SAP130: variants seen among roughly 807,000 people sequenced by gnomAD.
SAP130 encodes Sin3A associated protein 130.
Under a neutral mutation model 103.2 loss-of-function variants are expected in SAP130, and 16 were observed. The observed-to-expected ratio is 0.16, with a 90% CI of 0.10 to 0.24. The LOEUF is 0.24. SAP130 is among the 10% of genes least tolerant of loss of function. The pLI is 1.00. For synonymous variants in SAP130, 477 were observed against 497.0 expected (o/e 0.96, Z 0.53); for missense variants, 990 against 1,359.7 (o/e 0.73, Z 4.28).
intron 18 of SAP130, among the ~76,000 whole-genome samples, chr2:127,948,960 CCTACTTCCA>C (rs1219097421): frequency 6.6e-6 from 1 of 152,098 alleles, no homozygotes; most frequent in Non-Finnish European, 1.5e-5. Flanking sequence ...TGGTTCATAT[CCTACTTCCA>C]CTAAAAGGCA....
At chr2:128,001,713 G>A (rs569718753) in intron 7 of SAP130, among the ~76,000 whole-genome samples, 1 of 152,106 alleles carries the variant, frequency 6.6e-6, no homozygotes, top group Non-Finnish European at 1.5e-5. Flanking sequence ...GCCTCGGTGT[G>A]TAGTAGGTAA....
At chr2:128,020,317 C>G (rs1455606456) in intron 2 of SAP130, among the ~76,000 whole-genome samples, 1 of 152,200 alleles carries the variant, frequency 6.6e-6, no homozygotes, top group Non-Finnish European at 1.5e-5. Context: ...TGGCCCTATT[C>G]TAGCCACTAT....
intron 13 of SAP130, among the ~76,000 whole-genome samples, chr2:127,987,646 A>C (rs779118135): frequency 1.3e-5 from 2 of 152,156 alleles, no homozygotes; most frequent in Non-Finnish European, 2.9e-5. Flanking sequence ...TTTTAGAGAT[A>C]AGAAAACTGA....
intron 15 of SAP130, among the ~76,000 whole-genome samples, chr2:127,972,610 T>G (rs908071971): frequency 6.6e-6 from 1 of 152,016 alleles, no homozygotes; most frequent in African/African-American, 2.4e-5. Context: ...ACACAAAAAT[T>G]AGCCAGGTGT....
chr2:128,017,183 G>T (rs1213026594), intron 3 of SAP130, among the ~76,000 whole-genome samples: 2 of 152,094 alleles, frequency 1.3e-5, no homozygotes, highest in Non-Finnish European at 2.9e-5. Flanking sequence ...TTAGCCAGGC[G>T]TAGTGACGTG....
Position 127,962,427 on chromosome 2 carries a change from A to T in SAP130, c.2064-7083T>A, listed in dbSNP as rs368576276. Reference sequence around the variant, plus strand: ...CATGCTGCTATAAAGACACATGCACACGTATGTTTATAGCGGCACTATTCA... The same window carrying T: ...CATGCTGCTATAAAGACACATGCACTCGTATGTTTATAGCGGCACTATTCA... On this transcript the variant is annotated intron_variant, in intron 15 of 20. Transcript: ENST00000643581. Among the ~76,000 whole-genome samples, 51 of 152,332 alleles carry T rather than the reference A, an allele frequency of 3.3e-4. 1 individual carries two copies. The South Asian group carries it at 6.4e-3, about 19-fold the overall frequency.
intron 12 of SAP130, among the ~76,000 whole-genome samples, chr2:127,991,018 A>G (rs1411927765): frequency 6.6e-6 from 1 of 151,962 alleles, no homozygotes; most frequent in East Asian, 1.9e-4. Context: ...TGGGAGGCCG[A>G]GGCAGGCGAT....
At chr2:128,003,497 C>G (rs1258539620) in intron 7 of SAP130, among the ~76,000 whole-genome samples, 4 of 149,694 alleles carry the variant, frequency 2.7e-5, no homozygotes, top group African/African-American at 4.9e-5. Flanking sequence ...GGTTCAAGGT[C>G]TCCTCCCACC....
At chr2:127,949,459 G>A (rs2461464) in intron 18 of SAP130, among the ~76,000 whole-genome samples, 115,410 of 152,096 alleles carry the variant, frequency 0.76, 45,883 homozygotes, top group Non-Finnish European at 0.88. Flanking sequence ...TCTTTTGGCA[G>A]AAATGCTTAC....
At position 127,996,334 on chromosome 2, in the gene SAP130, A is replaced by C. The variant is rs1337667278; in HGVS notation, c.1355+16T>G. On this transcript the variant is annotated intron_variant, in intron 11 of 20. Coordinates refer to ENST00000643581, the MANE Select transcript of SAP130 (RefSeq NM_001330301.2). This position sits in a 1 kb window ranked among gnomAD's most constrained non-coding sequence, Gnocchi z 4.3. ...ATGACACAGTGAGGCAGAATAACTG[A>C]CACACAGCCTCCTACCTGTTGTCAC... The C allele has an allele frequency of 6.3e-7, 1 of 1,579,698 alleles. No individual in the cohort carries two copies. Among genetic ancestry groups the C allele is most frequent in the Non-Finnish European group, 8.6e-7 (1 of 1,162,760 alleles).
chr2:127,944,968 A>G (rs73955682), intron 19 of SAP130, among the ~76,000 whole-genome samples: 18 of 150,760 alleles, frequency 1.2e-4, no homozygotes, highest in African/African-American at 3.6e-4. Context: ...CTGAATGATG[A>G]TGTGTGTGAC....
chr2:128,015,940 CA>C lies in SAP130; in HGVS notation c.507+448del, dbSNP rs58340147. Among the ~76,000 whole-genome samples the C allele has an allele frequency of 3.8e-3, 368 of 97,470 alleles. 2 individuals carry two copies. Among genetic ancestry groups the C allele is most frequent in the East Asian group, 0.033 (107 of 3,220 alleles). 63.9% of individuals were successfully genotyped at this position (97,470 alleles called of 152,430 possible). A position where few individuals can be genotyped will look rare whatever the true frequency, so the allele number is the denominator to read the frequency against. ...TGGGTGACACCGTGAGATTCTGTCT[CA>C]AAAAAAAAAAAAAAAAAGTTTGGAA... On this transcript the variant is annotated intron_variant, in intron 4 of 20. Coordinates refer to ENST00000643581, the MANE Select transcript of SAP130 (RefSeq NM_001330301.2).
chr2:127,947,754 T>TTGTGTGTCTGTGTGTGTGAG (rs1553500345), intron 18 of SAP130, among the ~76,000 whole-genome samples: 19 of 28,674 alleles, frequency 6.6e-4, no homozygotes, highest in Admixed American at 2.5e-3. Context: ...TAATTTTGTA[T>TTGTGTGTCTGTGTGTGTGAG]TGTGTGTGTC....
At chr2:127,976,491 ATTTTTTTTTC>A (rs1363844161) in intron 15 of SAP130, among the ~76,000 whole-genome samples, 1 of 151,886 alleles carries the variant, frequency 6.6e-6, no homozygotes, top group African/African-American at 2.4e-5. Flanking sequence ...GGCATTCACA[ATTTTTTTTTC>A]TCAAATGCGG....
intron 15 of SAP130, among the ~76,000 whole-genome samples, chr2:127,968,492 C>T (rs1395321810): frequency 1.3e-5 from 2 of 149,148 alleles, no homozygotes; most frequent in South Asian, 4.3e-4. Flanking sequence ...CGCACCACCG[C>T]ACTCCAGCCT....
At chr2:127,974,044 A>AAAAC (rs562770343) in intron 15 of SAP130, among the ~76,000 whole-genome samples, 75 of 152,304 alleles carry the variant, frequency 4.9e-4, no homozygotes, top group Admixed American at 6.5e-4. Context: ...CTATTTCATT[A>AAAAC]AAACAAACAA....
intron 12 of SAP130, among the ~76,000 whole-genome samples, chr2:127,990,071 T>A (rs565650937): frequency 1.3e-5 from 2 of 152,322 alleles, no homozygotes; most frequent in East Asian, 3.9e-4. Context: ...CAATATGATG[T>A]TGTTTTTCTA....
chr2:128,023,442 C>T (rs570893010), intron 2 of SAP130, among the ~76,000 whole-genome samples: 2 of 152,134 alleles, frequency 1.3e-5, no homozygotes, highest in African/African-American at 4.8e-5. Flanking sequence ...CTGCACACAG[C>T]CTTTATTCCC....
chr2:128,008,100 A>AG (rs1391499019), intron 7 of SAP130, among the ~76,000 whole-genome samples: 2 of 152,162 alleles, frequency 1.3e-5, no homozygotes, highest in African/African-American at 4.8e-5. Context: ...GTGCCCCGCC[A>AG]GCTTCTAACA....
Sources: allele counts gnomAD v4.1 joint callset (sites outside exome capture counted in the v4.1 genomes callset), GRCh38; gene constraint gnomAD v4.1.1; non-coding constraint Gnocchi (gnomAD v3.1); transcripts MANE v1.5; gene names NCBI Gene and HGNC (gene_info 2026-07-23, HGNC 2026-07-21).